OTC: variants seen among roughly 807,000 people sequenced by gnomAD.
The protein encoded by OTC is ornithine transcarbamylase, mitochondrial.
A neutral mutation model predicts 30.3 loss-of-function variants in OTC; 3 were observed. The ratio of observed to expected loss-of-function variants is 0.10; its 90% confidence interval spans 0.05 to 0.26. OTC has a LOEUF of 0.26. OTC is among the 10% of genes least tolerant of loss of function. The pLI, the probability that OTC is intolerant of heterozygous loss-of-function variation, is 1.00. For missense variants in OTC, 194 were observed against 260.3 expected (o/e 0.75, Z 1.75); for synonymous variants, 111 against 99.7 (o/e 1.11, Z -0.67).
At chrX:38,392,783 G>A (rs2068435303) in intron 4 of OTC, among the ~76,000 whole-genome samples, 1 of 112,002 alleles carries the variant, frequency 8.9e-6, no homozygotes, top group Non-Finnish European at 1.9e-5. Flanking sequence ...GGACTAAAGT[G>A]GCATTTTCTG....
chrX:38,362,601 TTC>T (rs1168030132), intron 1 of OTC, among the ~76,000 whole-genome samples: 1 of 112,528 alleles, frequency 8.9e-6, no homozygotes. Flanking sequence ...TATTCAAATC[TTC>T]TGTCAGTGGA....
chrX:38,414,981 T>C (rs2068562925), intron 9 of OTC, among the ~76,000 whole-genome samples: 1 of 111,303 alleles, frequency 9.0e-6, no homozygotes, highest in Non-Finnish European at 1.9e-5. Flanking sequence ...GCCTGTACAG[T>C]TCATAGAAGC....
chrX:38,400,532 G>T (rs1003267388), intron 4 of OTC, among the ~76,000 whole-genome samples: 5 of 111,196 alleles, frequency 4.5e-5, no homozygotes, highest in Non-Finnish European at 9.4e-5. Context: ...AGGGAGGCAG[G>T]TCTGACCCCT....
At chrX:38,390,264 A>G (rs950292959) in intron 4 of OTC, among the ~76,000 whole-genome samples, 1 of 112,062 alleles carries the variant, frequency 8.9e-6, no homozygotes, top group African/African-American at 3.2e-5. Flanking sequence ...TTATTTCCTC[A>G]TCATTCTTAT....
chrX:38,372,303 G>A (rs962497590), intron 3 of OTC, among the ~76,000 whole-genome samples: 5 of 111,725 alleles, frequency 4.5e-5, no homozygotes, highest in African/African-American at 1.6e-4. Flanking sequence ...GTGAGAGCAA[G>A]ACCATTCAGG....
chrX:38,391,032 GATTT>G (rs2068426417), intron 4 of OTC, among the ~76,000 whole-genome samples: 1 of 111,297 alleles, frequency 9.0e-6, no homozygotes, highest in Non-Finnish European at 1.9e-5. Context: ...GGTTGGAAAG[GATTT>G]ATTTATAGCA....
intron 9 of OTC, among the ~76,000 whole-genome samples, chrX:38,418,598 C>T (rs747130097): frequency 3.6e-5 from 4 of 112,178 alleles, no homozygotes; most frequent in African/African-American, 9.7e-5. Flanking sequence ...ACCCAAATCT[C>T]ATATTGGATT....
At chrX:38,400,730 A>T (rs1236992642) in intron 4 of OTC, among the ~76,000 whole-genome samples, 1 of 112,233 alleles carries the variant, frequency 8.9e-6, no homozygotes, top group Non-Finnish European at 1.9e-5. Context: ...CAGCCTGGGG[A>T]GGGTGGCCTT....
chrX:38,332,575 G>A, the OTC span, among the ~76,000 whole-genome samples: 1 of 93,666 alleles, frequency 1.1e-5, no homozygotes, highest in Non-Finnish European at 2.1e-5. Flanking sequence ...AGGTGGTTGT[G>A]AAATATTAGG....
intron 4 of OTC, among the ~76,000 whole-genome samples, chrX:38,399,404 T>C (rs752799894): frequency 2.0e-4 from 22 of 111,107 alleles, no homozygotes; most frequent in South Asian, 3.9e-4. Flanking sequence ...AGATTTTGAT[T>C]TTTCTGATTT....
At chrX:38,384,812 AAAAG>A (rs750059887) in intron 4 of OTC, among the ~76,000 whole-genome samples, 1 of 112,066 alleles carries the variant, frequency 8.9e-6, no homozygotes, top group South Asian at 3.7e-4. Flanking sequence ...AAAAGAAAAA[AAAAG>A]AAAGAAAGAA....
At chrX:38,347,661 T>A (rs1425621890), upstream of OTC, among the ~76,000 whole-genome samples, 3 of 112,260 alleles carry the variant, frequency 2.7e-5, no homozygotes, top group Non-Finnish European at 5.6e-5. Context: ...ATTTGCAGTA[T>A]TTTTTTGATA....
chrX:38,340,669 T>C, the OTC span, among the ~76,000 whole-genome samples: 1 of 110,805 alleles, frequency 9.0e-6, no homozygotes, highest in Non-Finnish European at 1.9e-5. Flanking sequence ...AAAGTTATAA[T>C]ATGCAGATAA....
At chrX:38,351,303 A>G (rs1331073182), upstream of OTC, among the ~76,000 whole-genome samples, 3 of 111,703 alleles carry the variant, frequency 2.7e-5, no homozygotes, top group African/African-American at 6.5e-5. Context: ...TATTCCACAA[A>G]CTTCTGGAAA....
chrX:38,406,565 A>G (rs1008065559), intron 6 of OTC, among the ~76,000 whole-genome samples: 2 of 111,555 alleles, frequency 1.8e-5, no homozygotes, highest in African/African-American at 6.5e-5. Context: ...GTGATTTTCT[A>G]ATTTCCAGAC....
the OTC span, among the ~76,000 whole-genome samples, chrX:38,345,458 G>GTA: frequency 3.6e-5 from 4 of 110,903 alleles, no homozygotes; most frequent in East Asian, 1.1e-3. Context: ...ATCAAGTGCA[G>GTA]TACTGATACC....
At chrX:38,332,507 TATATATATA>T in the OTC span, among the ~76,000 whole-genome samples, 1 of 66,109 alleles carries the variant, frequency 1.5e-5, no homozygotes, top group Non-Finnish European at 2.7e-5. Flanking sequence ...CTAGATTTTA[TATATATATA>T]TATATATATA....
At chrX:38,337,263 T>C in the OTC span, among the ~76,000 whole-genome samples, 3 of 112,561 alleles carry the variant, frequency 2.7e-5, no homozygotes, top group East Asian at 8.3e-4. Context: ...CTGCTCTTTA[T>C]GTAGGAAACA....
chrX:38,407,320 T>C (rs976897737), intron 6 of OTC, among the ~76,000 whole-genome samples: 2 of 112,337 alleles, frequency 1.8e-5, no homozygotes, highest in Non-Finnish European at 3.8e-5. Flanking sequence ...CAAAGGGGGC[T>C]GACAGCTGAA....
Sources: gnomAD v4.1 joint callset for allele counts (sites outside exome capture counted in the v4.1 genomes callset) on GRCh38, gnomAD v4.1.1 for gene constraint, MANE v1.5 for transcripts, NCBI Gene and HGNC (gene_info 2026-07-23, HGNC 2026-07-21) for gene names.